The following PROZ variants were observed in gnomAD, a reference collection of about 807,000 sequenced individuals.
PROZ encodes the protein vitamin K-dependent protein Z.
In PROZ, 46 loss-of-function variants were observed where a neutral mutation model predicts 34.9. The ratio of observed to expected loss-of-function variants is 1.32; its 90% CI spans 1.04 to 1.69. PROZ has a LOEUF of 1.69. Among genes scored for constraint, PROZ ranks in the 40% most tolerant of loss-of-function variants. The pLI, the probability that PROZ is intolerant of heterozygous loss-of-function variation, is 0.00. For synonymous variants in PROZ, 195 were observed against 208.5 expected (o/e 0.94, Z 0.56); for missense variants, 530 against 520.4 (o/e 1.02, Z -0.18).
At chr13:113,170,369 G>C (rs768833213) in intron 6 of PROZ, 44 bp from the exon 7 acceptor site, 8 of 1,262,530 alleles carry the variant, frequency 6.3e-6, no homozygotes. Flanking sequence ...CCCTAATCCT[G>C]CAAATTGTCA....
At chr13:113,161,048 A>G in intron 3 of PROZ, 76 bp downstream of exon 3, 1 of 1,315,180 alleles carries the variant, frequency 7.6e-7, no homozygotes, top group Non-Finnish European at 1.1e-6. Context: ...AGGACGCTTC[A>G]CGACCCCAGC....
chr13:113,160,283 C>T, intron 2 of PROZ, 106 bp downstream of exon 2: 2 of 1,368,654 alleles, frequency 1.5e-6, no homozygotes, highest in South Asian at 1.2e-5. Flanking sequence ...AGCCTATTTA[C>T]TTACCGATGA....
chr13:113,161,249 A>AG (rs2036754575), intron 3 of PROZ, among the ~76,000 whole-genome samples: 1 of 152,226 alleles, frequency 6.6e-6, no homozygotes. Context: ...ACAGGCCAGG[A>AG]GGGCCCCCCC....
At chr13:113,166,451 C>G (rs933042718) in intron 6 of PROZ, 8 of 152,126 alleles carry the variant, frequency 5.3e-5, no homozygotes, top group Non-Finnish European at 1.0e-4. Flanking sequence ...CCTGAGGTTT[C>G]TGTGTGTGAC....
intron 4 of PROZ, among the ~76,000 whole-genome samples, chr13:113,163,996 T>G (rs999323510): frequency 2.0e-5 from 3 of 151,862 alleles, no homozygotes; most frequent in African/African-American, 7.3e-5. Context: ...TATTTTATTT[T>G]TGAGATGGAG....
intron 6 of PROZ, 45 bp downstream of exon 6, chr13:113,165,165 T>G (rs1205967998): frequency 2.6e-6 from 4 of 1,549,482 alleles, no homozygotes; most frequent in Non-Finnish European, 3.5e-6. Context: ...GTTATGACTT[T>G]CACCTCACTT....
chr13:113,161,302 G>C (rs756677234), intron 3 of PROZ, among the ~76,000 whole-genome samples: 1 of 152,242 alleles, frequency 6.6e-6, no homozygotes, highest in Non-Finnish European at 1.5e-5. Context: ...CTCCTGGGAA[G>C]CCTCATGCTG....
rs775053524 is a variant in PROZ, at chr13:113,164,620, G to C, written c.481G>C (p.Asp161His). ...SCAQGYRLGE[D>H]HKQCVPHDQC... ...TGCTCAGGGCTACAGGCTTGGTGAG[G>C]ACCACAAACAGTGTGTGCCCCACGG... The change falls in exon 5 of 8, where the codon GAC (aspartate) becomes CAC (histidine). Residue 161 changes from aspartate (D) to histidine (H), a missense_variant. Coordinates refer to ENST00000375547, the MANE Select transcript of PROZ (RefSeq NM_003891.3). 6.2e-7 allele frequency: 1 copy of C among 1,613,834 alleles called. No homozygotes were observed. Among genetic ancestry groups the C allele is most frequent in the Non-Finnish European group, 8.5e-7 (1 of 1,179,984 alleles).
intron 6 of PROZ, among the ~76,000 whole-genome samples, chr13:113,165,740 A>C (rs1307746457): frequency 1.3e-5 from 2 of 152,214 alleles, no homozygotes; most frequent in Non-Finnish European, 2.9e-5. Flanking sequence ...CATGTTGGAC[A>C]GGATGGTCTC....
chr13:113,166,873 T>C (rs566257), intron 6 of PROZ, among the ~76,000 whole-genome samples: 141,362 of 152,116 alleles, frequency 0.93, 66,553 homozygotes, highest in East Asian at 1. Flanking sequence ...GAAGAGAGGG[T>C]GCGGTTCTAG....
At position 113,160,075 on chromosome 13, in the gene PROZ, T is replaced by C. The variant is rs770360728; in HGVS notation, c.132T>C (p.Tyr44=). Residue 44 remains tyrosine, a synonymous_variant, in exon 2 of 8, where the codon TAT becomes TAC. Coordinates refer to ENST00000375547, the MANE Select transcript of PROZ (RefSeq NM_003891.3). ...VLVRWKRAGS[Y]LLEELFEGNL... ...TGAGGTGGAAGCGTGCGGGCTCCTA[T>C]CTTCTGGAAGAACTCTTCGAGGGAA... The C allele has an allele frequency of 1.1e-5, 18 of 1,614,176 alleles. No homozygotes were observed. Among genetic ancestry groups the C allele is most frequent in the Non-Finnish European group, 1.5e-5 (18 of 1,180,030 alleles).
chr13:113,161,011 C>G, intron 3 of PROZ, 39 bp downstream of exon 3: 2 of 1,583,626 alleles, frequency 1.3e-6, no homozygotes, highest in Non-Finnish European at 1.7e-6. Context: ...GTATTAATTC[C>G]TCGGGATGAG....
intron 6 of PROZ, among the ~76,000 whole-genome samples, chr13:113,169,896 C>A (rs1261774342): frequency 3.3e-5 from 5 of 152,258 alleles, no homozygotes; most frequent in African/African-American, 9.6e-5. Flanking sequence ...CTACCAAGCT[C>A]TCTCCTCTGC....
At position 113,159,369 on chromosome 13, in the gene PROZ, T is replaced by C; in HGVS notation, c.70+639T>C. 1.6e-5 allele frequency: 20 copies of C among 1,246,764 alleles called. No homozygotes were observed. The highest frequency in any genetic ancestry group is 2.3e-5 in the Non-Finnish European group (20 of 882,622). The allele number at this position is 1,246,764 out of a possible 1,614,324, so 77.2% of individuals were successfully genotyped here. A position where few individuals can be genotyped will look rare whatever the true frequency, so the allele number is the denominator to read the frequency against. ...CCCCCCGCCCTGCCCTGCCCAGCACTTACCGTAGCCGGACTTAGCTGAGCC... is the reference window on the plus strand; with the variant it reads ...CCCCCCGCCCTGCCCTGCCCAGCACCTACCGTAGCCGGACTTAGCTGAGCC... On this transcript the variant is annotated intron_variant, in intron 1 of 7. Coordinates refer to ENST00000375547, the MANE Select transcript of PROZ (RefSeq NM_003891.3). The surrounding 1 kb of genome is among the most constrained non-coding windows in gnomAD (Gnocchi z 4.6).
intron 7 of PROZ, 68 bp downstream of exon 7, chr13:113,170,598 T>C: frequency 2.0e-6 from 2 of 1,011,910 alleles, no homozygotes; most frequent in South Asian, 2.6e-5. Context: ...AAGAATGAAA[T>C]GACAAATTTA....
In PROZ at chr13:113,165,118, C is replaced by T. The variant is rs762542172; in HGVS notation, c.571C>T (p.Gln191Ter). ...RAPDLQDLPW[Q>*]VKLTNSEGKD... ...ACCGGATCTACAGGACCTCCCGTGG[C>T]AGGTAACAGAGCGCTCTCCGCGTGC... The change falls in exon 6 of 8, where the codon CAG becomes TAG. Residue 191 changes from glutamine (Q) to a stop codon, truncating the protein, a stop_gained and splice_region_variant. Transcript: ENST00000375547. LOFTEE classifies it high-confidence loss of function. The T allele has an allele frequency of 6.2e-7, 1 of 1,611,282 alleles. No individual in the cohort carries two copies. Among genetic ancestry groups the T allele is most frequent in the African/African-American group, 1.3e-5 (1 of 75,042 alleles).
chr13:113,160,158 T>A lies in PROZ; in HGVS notation c.215T>A (p.Phe72Tyr). ...GTCTATGAAGAAGCAAGAGAAGTGT[T>A]TGAAAATGAAGTAGTCACTGTATGT... ...ICVYEEAREV[F>Y]ENEVVTDEFW... is the part of the protein sequence containing the mutation. Residue 72 changes from phenylalanine to tyrosine, a missense_variant, in exon 2 of 8, where the codon TTT (phenylalanine) becomes TAT (tyrosine). Physicochemically the swap from Phe to Tyr is conservative, Grantham distance 22 (BLOSUM62 3). Transcript: ENST00000375547. The A allele has an allele frequency of 6.2e-7, 1 of 1,614,112 alleles. No homozygotes were observed. Among genetic ancestry groups the A allele is most frequent in the South Asian group, 1.1e-5 (1 of 91,084 alleles).
Position 113,159,924 on chromosome 13 carries a change from G to C in PROZ, c.71-90G>C. The C allele has an allele frequency of 1.3e-5, 20 of 1,502,072 alleles. No homozygotes were observed. The highest frequency in any genetic ancestry group is 1.8e-5 in the Non-Finnish European group (20 of 1,081,134). The allele number at this position is 1,502,072 out of a possible 1,614,324, so 93.0% of individuals were successfully genotyped here. A position where few individuals can be genotyped will look rare whatever the true frequency, so the allele number is the denominator to read the frequency against. On this transcript the variant is annotated intron_variant, in intron 1 of 7. Coordinates refer to ENST00000375547, the MANE Select transcript of PROZ (RefSeq NM_003891.3). This position sits in a 1 kb window ranked among gnomAD's most constrained non-coding sequence, Gnocchi z 4.6. The stretch of plus-strand genomic sequence containing the variant: ...GCCTGTGGAGACGGACGGGGCTGGG[G>C]CTGGCGGCCGGCCGGGGAGGAAGCC...
At chr13:113,161,424 A>C (rs2036757502) in intron 3 of PROZ, among the ~76,000 whole-genome samples, 1 of 152,124 alleles carries the variant, frequency 6.6e-6, no homozygotes, top group Admixed American at 6.5e-5. Flanking sequence ...GCAGAAGAGC[A>C]TGGGACAGAA....
Sources: gnomAD v4.1 joint callset for allele counts (sites outside exome capture counted in the v4.1 genomes callset) on GRCh38, gnomAD v4.1.1 for gene constraint, Gnocchi (gnomAD v3.1) non-coding constraint, MANE v1.5 for transcripts, NCBI Gene and HGNC (gene_info 2026-07-23, HGNC 2026-07-21) for gene names.